Variants in LAPTM4B observed in about 807,000 individuals in gnomAD.
LAPTM4B encodes the protein lysosomal protein transmembrane 4 beta.
LAPTM4B carries 26 observed loss-of-function variants against 28.5 expected under a neutral mutation model. The ratio of observed to expected loss-of-function variants is 0.91; its 90% CI spans 0.67 to 1.27. The LOEUF (loss-of-function observed/expected upper bound fraction) is 1.27, where lower values mean the gene tolerates loss of function less well. Among genes scored for constraint, LAPTM4B ranks in the 50% most tolerant of loss-of-function variants. LAPTM4B has a pLI of 0.00. For missense variants in LAPTM4B, 288 were observed against 285.8 expected, an observed-to-expected ratio of 1.01 and a Z score of -0.06; for synonymous variants, 109 against 106.4, an observed-to-expected ratio of 1.02 and a Z score of -0.15.
At chr8:97,824,230 G>T (rs1238883033) in intron 5 of LAPTM4B, among the ~76,000 whole-genome samples, 1 of 152,146 alleles carries the variant, frequency 6.6e-6, no homozygotes, top group Non-Finnish European at 1.5e-5. Flanking sequence ...GCTGGGTCCT[G>T]TTGTAACTCT....
chr8:97,788,654 A>G (rs1439107373), intron 1 of LAPTM4B, among the ~76,000 whole-genome samples: 5 of 152,066 alleles, frequency 3.3e-5, no homozygotes, highest in African/African-American at 7.2e-5. Flanking sequence ...TATATATTCT[A>G]AAATTTCCTT....
chr8:97,845,580 G>C (rs950624130), intron 6 of LAPTM4B, among the ~76,000 whole-genome samples: 2 of 151,824 alleles, frequency 1.3e-5, no homozygotes, highest in African/African-American at 4.8e-5. Context: ...CCCTTCTTAG[G>C]ACCTTGAACA....
chr8:97,777,530 G>A (rs897885081), intron 1 of LAPTM4B, among the ~76,000 whole-genome samples: 1 of 151,942 alleles, frequency 6.6e-6, no homozygotes, highest in African/African-American at 2.4e-5. Context: ...GTAGAATATG[G>A]ACTTTTTGTC....
chr8:97,828,276 A>G (rs1817124688), intron 6 of LAPTM4B, among the ~76,000 whole-genome samples: 1 of 152,156 alleles, frequency 6.6e-6, no homozygotes, highest in East Asian at 1.9e-4. Context: ...TGGCGTGGGT[A>G]CCTAAAGTGA....
chr8:97,802,971 C>T (rs1371431608), intron 1 of LAPTM4B, among the ~76,000 whole-genome samples: 1 of 151,816 alleles, frequency 6.6e-6, no homozygotes, highest in African/African-American at 2.4e-5. Context: ...GAGGCCGAGG[C>T]GGGTGGATCA....
intron 1 of LAPTM4B, among the ~76,000 whole-genome samples, chr8:97,785,849 G>C (rs538312566): frequency 6.6e-6 from 1 of 152,136 alleles, no homozygotes; most frequent in African/African-American, 2.4e-5. Flanking sequence ...TTGCTGTATC[G>C]TTTTAATGTC....
At chr8:97,777,248 G>A (rs1816236770) in intron 1 of LAPTM4B, among the ~76,000 whole-genome samples, 1 of 141,308 alleles carries the variant, frequency 7.1e-6, no homozygotes, top group Admixed American at 7.8e-5. Flanking sequence ...CCAGGTTCAA[G>A]CGATTCTCCT....
rs568986395 is a variant in LAPTM4B at position 97,851,885 on chromosome 8, A to G, written c.*411A>G. Reference sequence around the variant, plus strand: ...CTTCAGCCATTCCAGCATAGAGAACAAAACCTTATGGAAACAGGAATGTCA... The same window carrying G: ...CTTCAGCCATTCCAGCATAGAGAACGAAACCTTATGGAAACAGGAATGTCA... On this transcript the variant is annotated 3_prime_UTR_variant, in exon 7 of 7. Coordinates refer to ENST00000521545, the MANE Select transcript of LAPTM4B (RefSeq NM_018407.6). 7.9e-5 allele frequency: 14 copies of G among 177,398 alleles called. No individual in the cohort carries two copies. In the East Asian group the frequency reaches 2.2e-3, roughly 28 times the overall value. 11.0% of individuals were successfully genotyped at this position (177,398 alleles called of 1,614,324 possible).
chr8:97,794,489 A>G (rs1816551273), intron 1 of LAPTM4B, among the ~76,000 whole-genome samples: 1 of 152,148 alleles, frequency 6.6e-6, no homozygotes, highest in Non-Finnish European at 1.5e-5. Context: ...AACTAATTTT[A>G]GTGAATTTCT....
intron 5 of LAPTM4B, among the ~76,000 whole-genome samples, chr8:97,820,638 T>G (rs1186818116): frequency 6.6e-6 from 1 of 151,950 alleles, no homozygotes; most frequent in Non-Finnish European, 1.5e-5. Flanking sequence ...GAGGCTGAAG[T>G]GAGAAGATTG....
chr8:97,827,395 G>A (rs1817106407), intron 6 of LAPTM4B, among the ~76,000 whole-genome samples: 1 of 152,194 alleles, frequency 6.6e-6, no homozygotes, highest in South Asian at 2.1e-4. Context: ...GAGGTTCCTT[G>A]AGGGTGGTAC....
intron 1 of LAPTM4B, among the ~76,000 whole-genome samples, chr8:97,796,473 C>T (rs1197089123): frequency 6.6e-6 from 1 of 152,106 alleles, no homozygotes; most frequent in South Asian, 2.1e-4. Flanking sequence ...ATTTGAATGC[C>T]TGGACAGATT....
At chr8:97,793,854 T>C (rs566667625) in intron 1 of LAPTM4B, among the ~76,000 whole-genome samples, 2 of 152,322 alleles carry the variant, frequency 1.3e-5, no homozygotes, top group South Asian at 4.1e-4. Context: ...TCGCCCAGGC[T>C]GGGGAGCAGT....
intron 1 of LAPTM4B, among the ~76,000 whole-genome samples, chr8:97,778,925 C>T (rs1816267508): frequency 6.6e-6 from 1 of 152,148 alleles, no homozygotes; most frequent in Non-Finnish European, 1.5e-5. Context: ...CTTTGATTTT[C>T]TTGAACTTTT....
chr8:97,803,306 TCTCA>T (rs940761092), intron 1 of LAPTM4B, among the ~76,000 whole-genome samples: 2 of 151,468 alleles, frequency 1.3e-5, no homozygotes, highest in Non-Finnish European at 2.9e-5. Flanking sequence ...TGAGACAGGG[TCTCA>T]CTCTTTCACC....
intron 6 of LAPTM4B, among the ~76,000 whole-genome samples, chr8:97,842,773 T>C (rs1817369034): frequency 1.3e-5 from 2 of 152,248 alleles, no homozygotes; most frequent in African/African-American, 4.8e-5. Context: ...CGCCTCAGCC[T>C]CCCAAAGTGC....
At chr8:97,807,486 C>T (rs914140466) in intron 2 of LAPTM4B, among the ~76,000 whole-genome samples, 1 of 152,118 alleles carries the variant, frequency 6.6e-6, no homozygotes, top group African/African-American at 2.4e-5. Flanking sequence ...GGGCCTGGCC[C>T]ATAGGAAGTG....
intron 5 of LAPTM4B, among the ~76,000 whole-genome samples, chr8:97,820,920 T>C (rs1267085160): frequency 6.7e-6 from 1 of 150,074 alleles, no homozygotes; most frequent in Non-Finnish European, 1.5e-5. Context: ...TAGAGACGGG[T>C]TTCACCATGT....
chr8:97,827,491 C>A (rs1363446304), intron 6 of LAPTM4B, among the ~76,000 whole-genome samples: 1 of 152,176 alleles, frequency 6.6e-6, no homozygotes, highest in Non-Finnish European at 1.5e-5. Context: ...TTATAATAAG[C>A]CAGTAAACCT....
Sources: allele counts gnomAD v4.1 joint callset (sites outside exome capture counted in the v4.1 genomes callset), GRCh38; gene constraint gnomAD v4.1.1; transcripts MANE v1.5; gene names NCBI Gene and HGNC (gene_info 2026-07-23, HGNC 2026-07-21).